Variants in FBN2 observed in about 807,000 individuals in gnomAD.
FBN2 encodes the protein fibrillin-2.
FBN2 carries 105 observed loss-of-function variants against 355.6 expected under a neutral mutation model. The observed-to-expected ratio is 0.30, with a 90% CI of 0.25 to 0.35. The LOEUF (loss-of-function observed/expected upper bound fraction) is 0.35, where lower values mean the gene tolerates loss of function less well. Among genes scored for constraint, FBN2 ranks in the 10% least tolerant of loss-of-function variants. FBN2 has a pLI of 1.00. For synonymous variants in FBN2, 1,350 were observed against 1,301.2 expected, an observed-to-expected ratio of 1.04 and a Z score of -0.81; for missense variants, 3,280 against 3,758.7, an observed-to-expected ratio of 0.87 and a Z score of 3.33.
chr5:128,484,090 T>C (rs1755267864), intron 5 of FBN2, among the ~76,000 whole-genome samples: 1 of 152,216 alleles, frequency 6.6e-6, no homozygotes, highest in African/African-American at 2.4e-5. Context: ...TTCCCTTCCA[T>C]TTTCTAACAG....
chr5:128,393,099 G>T, intron 10 of FBN2, 36 bp downstream of exon 10: 1 of 1,486,376 alleles, frequency 6.7e-7, no homozygotes, highest in Non-Finnish European at 9.4e-7. Context: ...CTTGAGGCAG[G>T]AAACTAAAGA....
intron 11 of FBN2, among the ~76,000 whole-genome samples, chr5:128,386,978 C>T (rs1337272465): frequency 6.6e-6 from 1 of 152,074 alleles, no homozygotes; most frequent in Non-Finnish European, 1.5e-5. Flanking sequence ...GAAGGAGTTC[C>T]TCCTCTTCAA....
intron 62 of FBN2, among the ~76,000 whole-genome samples, chr5:128,270,898 G>A (rs1765252960): frequency 6.6e-6 from 1 of 152,116 alleles, no homozygotes; most frequent in South Asian, 2.1e-4. Context: ...AAGTTATTTT[G>A]AATAACTGCC....
chr5:128,499,513 G>T (rs1306564962), intron 5 of FBN2, among the ~76,000 whole-genome samples: 1 of 152,078 alleles, frequency 6.6e-6, no homozygotes, highest in Non-Finnish European at 1.5e-5. Context: ...TGAGTGCCGA[G>T]ATTTTTAAAA....
intron 16 of FBN2, among the ~76,000 whole-genome samples, chr5:128,366,803 T>C (rs1221122130): frequency 6.6e-6 from 1 of 152,190 alleles, no homozygotes; most frequent in Non-Finnish European, 1.5e-5. Context: ...ACCAAGTGCC[T>C]GGTATTGTTC....
chr5:128,489,726 T>C (rs1474880496), intron 5 of FBN2, among the ~76,000 whole-genome samples: 3 of 152,196 alleles, frequency 2.0e-5, no homozygotes, highest in South Asian at 2.1e-4. Flanking sequence ...GTAATTATTA[T>C]ACTCAATTGA....
At chr5:128,485,298 C>T (rs1376451654) in intron 5 of FBN2, among the ~76,000 whole-genome samples, 1 of 152,166 alleles carries the variant, frequency 6.6e-6, no homozygotes, top group Non-Finnish European at 1.5e-5. Context: ...GCTGAGATTA[C>T]AGGCATGAGC....
At chr5:128,412,723 A>C (rs1229704571) in intron 7 of FBN2, among the ~76,000 whole-genome samples, 1 of 152,252 alleles carries the variant, frequency 6.6e-6, no homozygotes, top group East Asian at 1.9e-4. Flanking sequence ...TGAAAAGCCA[A>C]GCCAAGGACT....
At chr5:128,359,268 A>C (rs1451070024) in intron 19 of FBN2, among the ~76,000 whole-genome samples, 1 of 152,118 alleles carries the variant, frequency 6.6e-6, no homozygotes, top group Non-Finnish European at 1.5e-5. Context: ...CAAATATACA[A>C]GAAAAAGCTA....
rs1248858121 is a variant in FBN2 at position 128,524,861 on chromosome 5, T to C, written c.532+3011A>G. Among the ~76,000 whole-genome samples, 3 of 152,304 alleles carry C rather than the reference T, an allele frequency of 2.0e-5. No homozygotes were observed. In the East Asian group the frequency reaches 5.8e-4, roughly 29 times the overall value. On this transcript the variant is annotated intron_variant, in intron 4 of 64. Transcript: ENST00000262464. ...GGAAGATGTCATCCCATGAGAAACC[T>C]AGAGAACAAATGTTCAGTATATGCT...
Position 128,290,842 on chromosome 5 carries a change from T to C in FBN2, c.6335A>G (p.Lys2112Arg), listed in dbSNP as rs750533117. 1.2e-6 allele frequency: 2 copies of C among 1,614,110 alleles called. No homozygotes were observed. The highest frequency in any genetic ancestry group is 1.6e-4 in the Middle Eastern group (1 of 6,062). Residue 2112 changes from lysine (K) to arginine (R), a missense_variant, in exon 50 of 65, where the codon AAG becomes AGG. Physicochemically the swap from Lys to Arg is conservative, Grantham distance 26 (BLOSUM62 2). Around this residue, in one of 6 missense-constraint regions of FBN2, gnomAD observed 2,284 missense variants for 2,749.5 expected, o/e 0.83. Coordinates refer to ENST00000262464, the MANE Select transcript of FBN2 (RefSeq NM_001999.4). ...GTTGAAAGCTTTGGGTACAGAACACTTTCCATTTTCAAAATTTGTGAAGCA... is the reference window on the plus strand; with the variant it reads ...GTTGAAAGCTTTGGGTACAGAACACCTTCCATTTTCAAAATTTGTGAAGCA... ...SFCFTNFENG[K>R]CSVPKAFNTT...
chr5:128,277,967 T>C lies in FBN2; in HGVS notation c.7384A>G (p.Asn2462Asp). 1.9e-6 allele frequency: 3 copies of C among 1,613,708 alleles called. No individual in the cohort carries two copies. Among genetic ancestry groups the C allele is most frequent in the Non-Finnish European group, 2.5e-6 (3 of 1,179,644 alleles). ...CCCATGGTATTGATGCACTGACCAT[T>C]GGTGCAGAGGTTTGGCATTACCTTA... ...ECKVMPNLCT[N>D]GQCINTMGSF... The change falls in exon 58 of 65, where the codon AAT becomes GAT. Residue 2462 changes from asparagine to aspartate, a missense_variant. This residue lies in a region of FBN2 where 2,284 missense variants were observed against 2,749.5 expected (regional missense o/e 0.83). Transcript: ENST00000262464.
chr5:128,520,582 C>T (rs1358580048), intron 4 of FBN2, among the ~76,000 whole-genome samples: 3 of 152,062 alleles, frequency 2.0e-5, no homozygotes, highest in African/African-American at 7.2e-5. Context: ...GCTGCTATTT[C>T]CTTATCAGGT....
At chr5:128,317,583 T>A (rs1338221594) in intron 36 of FBN2, among the ~76,000 whole-genome samples, 2 of 152,252 alleles carry the variant, frequency 1.3e-5, no homozygotes, top group South Asian at 2.1e-4. Context: ...GGCCATTTCC[T>A]TCTCTAGGAA....
chr5:128,277,189 G>A (rs1013392859), intron 58 of FBN2, among the ~76,000 whole-genome samples: 1 of 152,182 alleles, frequency 6.6e-6, no homozygotes, highest in Non-Finnish European at 1.5e-5. Context: ...GAAATATAAA[G>A]GAGAAAAAAA....
chr5:128,520,866 C>T (rs781710593), intron 4 of FBN2, among the ~76,000 whole-genome samples: 9 of 152,020 alleles, frequency 5.9e-5, no homozygotes, highest in Non-Finnish European at 1.0e-4. Flanking sequence ...TAGCACTTCC[C>T]ACTCATCATT....
intron 6 of FBN2, among the ~76,000 whole-genome samples, chr5:128,447,395 T>C (rs1561461537): frequency 6.6e-6 from 1 of 152,156 alleles, no homozygotes; most frequent in Non-Finnish European, 1.5e-5. Flanking sequence ...AAATGGCTGC[T>C]CTGGGACTGT....
intron 34 of FBN2, among the ~76,000 whole-genome samples, chr5:128,319,418 GA>G (rs1454087702): frequency 7.9e-6 from 1 of 126,960 alleles, no homozygotes; most frequent in Admixed American, 9.0e-5. Context: ...TTTATATTAT[GA>G]AAAAACAAAT....
Position 128,361,867 on chromosome 5 carries a change from A to C in FBN2, c.2429-19T>G. On this transcript the variant is annotated intron_variant, in intron 18 of 64. Coordinates refer to ENST00000262464, the MANE Select transcript of FBN2 (RefSeq NM_001999.4). Reference sequence around the variant, plus strand: ...TCAATGTCTGAAAGCAACGATTGAAAGATAGGAGATACACATATTTAAGCA... The same window carrying C: ...TCAATGTCTGAAAGCAACGATTGAACGATAGGAGATACACATATTTAAGCA... 1 of 1,612,654 alleles carries C rather than the reference A, an allele frequency of 6.2e-7. No individual in the cohort carries two copies. The highest frequency in any genetic ancestry group is 8.5e-7 in the Non-Finnish European group (1 of 1,178,652).
Sources: allele counts gnomAD v4.1 joint callset (sites outside exome capture counted in the v4.1 genomes callset), GRCh38; gene constraint gnomAD v4.1.1; regional missense constraint gnomAD v4.1.1; transcripts MANE v1.5; gene names NCBI Gene and HGNC (gene_info 2026-07-23, HGNC 2026-07-21).